BAIAP2: variants seen among roughly 807,000 people sequenced by gnomAD.
BAIAP2 encodes BAR/IMD domain-containing adapter protein 2.
BAIAP2 carries 18 observed loss-of-function variants against 63.0 expected under a neutral mutation model. The observed-to-expected ratio is 0.29, with a 90% CI of 0.20 to 0.42. The LOEUF is 0.42. BAIAP2 is among the 10% of genes least tolerant of loss of function. The probability of loss-of-function intolerance (pLI) is 1.00; values close to 1 mark genes in which losing one functional copy is unlikely to be tolerated. For synonymous variants in BAIAP2, 386 were observed against 307.6 expected (o/e 1.25, Z -2.67); for missense variants, 610 against 734.3 (o/e 0.83, Z 1.96).
chr17:81,049,203 T>C (rs2048292782), intron 1 of BAIAP2, among the ~76,000 whole-genome samples: 1 of 152,136 alleles, frequency 6.6e-6, no homozygotes, highest in Non-Finnish European at 1.5e-5. Flanking sequence ...TGGTTGCTCA[T>C]GGTGTAGGAT....
Position 81,104,666 on chromosome 17 carries a change from C to CCTGAGGCCCGCGATGG in BAIAP2, c.1223_1238dup (p.Trp413Ter). ...GGGTGACCTCATTACCCTGCTGGTG[C>CCTGAGGCCCGCGATGG]CTGAGGCCCGCGATGGCTGGCACTA... On this transcript the variant is annotated frameshift_variant, in exon 10 of 14. Coordinates refer to ENST00000428708, the MANE Select transcript of BAIAP2 (RefSeq NM_001144888.2). LOFTEE classifies it high-confidence loss of function. 6.2e-7 allele frequency: 1 copy of CCTGAGGCCCGCGATGG among 1,606,586 alleles called. No homozygotes were observed. The highest frequency in any genetic ancestry group is 8.5e-7 in the Non-Finnish European group (1 of 1,177,012).
At chr17:81,081,660 T>TGA (rs1342873033) in intron 3 of BAIAP2, among the ~76,000 whole-genome samples, 6 of 152,178 alleles carry the variant, frequency 3.9e-5, no homozygotes, top group Middle Eastern at 3.2e-3. Flanking sequence ...CTAGGTCGAG[T>TGA]GAGCCTGGGG....
intron 3 of BAIAP2, among the ~76,000 whole-genome samples, chr17:81,079,466 G>A (rs922519011): frequency 3.3e-5 from 5 of 152,098 alleles, no homozygotes; most frequent in African/African-American, 1.2e-4. Context: ...GGATGACTGT[G>A]TAGACACATC....
intron 13 of BAIAP2, 76 bp from the exon 14 acceptor site, chr17:81,115,694 G>A: frequency 6.4e-7 from 1 of 1,555,828 alleles, no homozygotes. Context: ...AATCCCTGGG[G>A]CATCGGGCAG....
chr17:81,047,434 T>C (rs2047978523), intron 1 of BAIAP2, among the ~76,000 whole-genome samples: 1 of 152,232 alleles, frequency 6.6e-6, no homozygotes, highest in Non-Finnish European at 1.5e-5. Flanking sequence ...TTTGTTCTTC[T>C]GAGTAGATAG....
Position 81,057,973 on chromosome 17 carries a change from ACCCCCCCCC to A in BAIAP2, c.217+14_217+22del, listed in dbSNP as rs60972273. 26 of 765,770 alleles carry A rather than the reference ACCCCCCCCC, an allele frequency of 3.4e-5. No homozygotes were observed. The highest frequency in any genetic ancestry group is 4.9e-5 in the Admixed American group (1 of 20,416). The allele number at this position is 765,770 out of a possible 1,614,324, so 47.4% of individuals were successfully genotyped here. A position where few individuals can be genotyped will look rare whatever the true frequency, so the allele number is the denominator to read the frequency against. ...CCAGGGCTCCAAAGAACTCGGTGAG[ACCCCCCCCC>A]CCCCCCCGCCTGGTAGTCGCCTGAT... On this transcript the variant is annotated splice_region_variant and intron_variant, in intron 3 of 13. Transcript: ENST00000428708.
intron 3 of BAIAP2, among the ~76,000 whole-genome samples, chr17:81,082,194 G>A (rs1183823985): frequency 6.6e-6 from 1 of 152,132 alleles, no homozygotes; most frequent in African/African-American, 2.4e-5. Flanking sequence ...GGAGACTCGG[G>A]TCACGGCCAG....
intron 5 of BAIAP2, 38 bp from the exon 6 acceptor site, chr17:81,086,405 A>C (rs1260451084): frequency 1.9e-6 from 3 of 1,608,946 alleles, no homozygotes; most frequent in African/African-American, 2.7e-5. Flanking sequence ...CGTTGGGTTC[A>C]TGGGCCTTGG....
At chr17:81,067,751 C>G (rs1047382899) in intron 3 of BAIAP2, among the ~76,000 whole-genome samples, 1 of 152,240 alleles carries the variant, frequency 6.6e-6, no homozygotes, top group Non-Finnish European at 1.5e-5. Context: ...GGCACCCTCC[C>G]TGAGCGCTCA....
chr17:81,060,082 C>G (rs1318389913), intron 3 of BAIAP2, among the ~76,000 whole-genome samples: 3 of 152,186 alleles, frequency 2.0e-5, no homozygotes, highest in Admixed American at 2.0e-4. Context: ...CCCCGGGCTC[C>G]TCCTGGAGCG....
At chr17:81,109,372 T>TAAAAAAAAA in intron 13 of BAIAP2, 2 of 889,124 alleles carry the variant, frequency 2.2e-6, no homozygotes, top group Non-Finnish European at 2.6e-6. Context: ...AGAAAAATCT[T>TAAAAAAAAA]AAAAAAAAAA....
At chr17:81,058,348 G>A (rs192441951) in intron 3 of BAIAP2, among the ~76,000 whole-genome samples, 4 of 152,362 alleles carry the variant, frequency 2.6e-5, no homozygotes, top group African/African-American at 9.6e-5. Context: ...GTGTGGCCCT[G>A]AGGAAGACAC....
rs1196022329 is a variant in BAIAP2, at chr17:81,116,246, C to T, written c.*407C>T. 1.2e-6 allele frequency: 2 copies of T among 1,612,726 alleles called. No homozygotes were observed. Among genetic ancestry groups the T allele is most frequent in the Non-Finnish European group, 1.7e-6 (2 of 1,179,974 alleles). On this transcript the variant is annotated 3_prime_UTR_variant, in exon 14 of 14. Transcript: ENST00000428708. Reference sequence around the variant, plus strand: ...CTGCACCAGGTGTGATCTGTCCGCCCAAGGGCCAGAAGGCCGGGAGCACGG... The same window carrying T: ...CTGCACCAGGTGTGATCTGTCCGCCTAAGGGCCAGAAGGCCGGGAGCACGG...
intron 6 of BAIAP2, among the ~76,000 whole-genome samples, chr17:81,099,692 G>A (rs968177682): frequency 5.3e-5 from 8 of 152,154 alleles, no homozygotes; most frequent in South Asian, 2.1e-4. Flanking sequence ...GAGTGGTCCC[G>A]GGGCAGGGAA....
At chr17:81,085,861 TTATTGTCCA>T (rs2055523267) in intron 5 of BAIAP2, 136 bp downstream of exon 5, 4 of 685,020 alleles carry the variant, frequency 5.8e-6, no homozygotes, top group Middle Eastern at 4.1e-4. Context: ...AGCTCTGACT[TTATTGTCCA>T]TTTGGGACCG....
chr17:81,074,403 C>T (rs1437591806), intron 3 of BAIAP2, among the ~76,000 whole-genome samples: 3 of 149,948 alleles, frequency 2.0e-5, no homozygotes, highest in Non-Finnish European at 4.4e-5. Context: ...TGCTGGTGTG[C>T]GTGCATGGAT....
intron 13 of BAIAP2, among the ~76,000 whole-genome samples, chr17:81,111,871 A>AG (rs2059967981): frequency 1.3e-5 from 2 of 152,238 alleles, no homozygotes; most frequent in South Asian, 4.1e-4. Flanking sequence ...CTGCAAAGCC[A>AG]GTGCCTGCAT....
chr17:81,085,816 C>T (rs1047827007), intron 5 of BAIAP2, 91 bp downstream of exon 5: 1 of 998,368 alleles, frequency 1.0e-6, no homozygotes, highest in Non-Finnish European at 1.5e-6. Context: ...CTGAAGGCTT[C>T]CCACTTCCCC....
At chr17:81,097,313 C>T (rs2057790157) in intron 6 of BAIAP2, among the ~76,000 whole-genome samples, 1 of 152,212 alleles carries the variant, frequency 6.6e-6, no homozygotes, top group Non-Finnish European at 1.5e-5. Context: ...AGGCTCTGGC[C>T]TTGGGGACAG....
Sources: gnomAD v4.1 joint callset for allele counts (sites outside exome capture counted in the v4.1 genomes callset) on GRCh38, gnomAD v4.1.1 for gene constraint, MANE v1.5 for transcripts, NCBI Gene and HGNC (gene_info 2026-07-23, HGNC 2026-07-21) for gene names.